Variants in SLC3A1 observed in about 807,000 individuals in gnomAD.
The protein encoded by SLC3A1 is amino acid transporter heavy chain SLC3A1.
In SLC3A1, 78 loss-of-function variants were observed where a neutral mutation model predicts 60.3. The ratio of observed to expected loss-of-function variants is 1.29; its 90% CI spans 1.08 to 1.56. The LOEUF (loss-of-function observed/expected upper bound fraction) is 1.56. SLC3A1 is among the 40% of genes most tolerant of loss of function. The probability of loss-of-function intolerance (pLI) is 0.00; values close to 1 mark genes in which losing one functional copy is unlikely to be tolerated. For missense variants in SLC3A1, 1,172 were observed against 858.9 expected, an observed-to-expected ratio of 1.36 and a Z score of -4.56; for synonymous variants, 392 against 307.9, an observed-to-expected ratio of 1.27 and a Z score of -2.86.
chr2:44,307,740 A>T (rs1672193718), intron 7 of SLC3A1, among the ~76,000 whole-genome samples: 1 of 152,028 alleles, frequency 6.6e-6, no homozygotes, highest in Non-Finnish European at 1.5e-5. Context: ...TATATACTGG[A>T]TAGGTGATTT....
At chr2:44,296,924 TGTAAG>T (rs1671864770) in intron 4 of SLC3A1, among the ~76,000 whole-genome samples, 1 of 152,212 alleles carries the variant, frequency 6.6e-6, no homozygotes, top group African/African-American at 2.4e-5. Context: ...CCTGCTGTCA[TGTAAG>T]ATGTGACTTT....
At chr2:44,312,278 T>C (rs900717958) in intron 7 of SLC3A1, among the ~76,000 whole-genome samples, 12 of 152,176 alleles carry the variant, frequency 7.9e-5, no homozygotes, top group African/African-American at 2.9e-4. Context: ...TGCCACAGTT[T>C]TGCTTCCTTT....
intron 6 of SLC3A1, 120 bp from the exon 7 acceptor site, chr2:44,304,023 A>C (rs1217291738): frequency 2.5e-6 from 2 of 805,816 alleles, no homozygotes; most frequent in South Asian, 2.7e-5. Context: ...TGCTAGTCCT[A>C]TATGGTTAAT....
intron 7 of SLC3A1, among the ~76,000 whole-genome samples, chr2:44,310,975 T>C (rs564953185): frequency 1.3e-5 from 2 of 152,262 alleles, no homozygotes; most frequent in Admixed American, 1.3e-4. Flanking sequence ...TTTAATTTTT[T>C]TGTAGACATG....
chr2:44,304,332 C>A lies in SLC3A1; in HGVS notation c.1326C>A (p.Asn442Lys). ...ACATGCCAGAAGGAAAATGGCCTAA[C>A]TGGATGGTAAGTCCTCATGACAGCA... ...MENMPEGKWP[N>K]WMIGGPDSSR... The change falls in exon 7 of 10, where the codon AAC (asparagine) becomes AAA (lysine). Residue 442 changes from asparagine to lysine, a missense_variant. By Grantham distance (94) the Asn-to-Lys change is moderately conservative. Transcript: ENST00000260649. The A allele has an allele frequency of 6.2e-7, 1 of 1,613,234 alleles. No homozygotes were observed. Among genetic ancestry groups the A allele is most frequent in the East Asian group, 2.2e-5 (1 of 44,884 alleles).
chr2:44,278,765 C>A (rs1483981297), intron 1 of SLC3A1, among the ~76,000 whole-genome samples: 1 of 152,018 alleles, frequency 6.6e-6, no homozygotes, highest in Non-Finnish European at 1.5e-5. Context: ...GTCTTCTCAG[C>A]CAAGCCTAGA....
intron 7 of SLC3A1, among the ~76,000 whole-genome samples, chr2:44,307,051 G>C (rs1350270129): frequency 6.6e-6 from 1 of 152,114 alleles, no homozygotes; most frequent in Admixed American, 6.5e-5. Flanking sequence ...TACTTTCCGT[G>C]TCTATGGATT....
At chr2:44,290,123 C>CTTTTT (rs34642873) in intron 4 of SLC3A1, among the ~76,000 whole-genome samples, 2 of 131,118 alleles carry the variant, frequency 1.5e-5, no homozygotes, top group South Asian at 2.4e-4. Context: ...AGCTGTCCGA[C>CTTTTT]TTTTTTTTTT....
chr2:44,318,994 G>C (rs943799975), intron 9 of SLC3A1: 5 of 152,200 alleles, frequency 3.3e-5, no homozygotes, highest in African/African-American at 1.2e-4. Context: ...GACAATAATA[G>C]CTAACACTTA....
chr2:44,286,416 C>T (rs1382821141), intron 4 of SLC3A1, among the ~76,000 whole-genome samples: 1 of 152,226 alleles, frequency 6.6e-6, no homozygotes, highest in African/African-American at 2.4e-5. Context: ...TCATCTAACT[C>T]AGAGTACCCT....
At chr2:44,312,311 A>C (rs933311266) in intron 7 of SLC3A1, among the ~76,000 whole-genome samples, 1 of 152,184 alleles carries the variant, frequency 6.6e-6, no homozygotes, top group African/African-American at 2.4e-5. Flanking sequence ...CTCTTATCCA[A>C]ATATGAGAAA....
intron 9 of SLC3A1, chr2:44,318,821 T>G (rs901536293): frequency 2.6e-5 from 4 of 152,174 alleles, no homozygotes; most frequent in East Asian, 1.9e-4. Flanking sequence ...AAGCATTATA[T>G]GAGACAAAGG....
intron 4 of SLC3A1, 30 bp from the exon 5 acceptor site, chr2:44,299,941 T>C: frequency 6.2e-7 from 1 of 1,612,996 alleles, no homozygotes. Context: ...GTAGTTAATG[T>C]AACCAAGCAT....
chr2:44,321,186 A>G lies in SLC3A1; in HGVS notation c.*547A>G, dbSNP rs943926821. 4 of 612,298 alleles carry G rather than the reference A, an allele frequency of 6.5e-6. No individual in the cohort carries two copies. The African/African-American group carries it at 7.5e-5, about 11-fold the overall frequency. 37.9% of individuals were successfully genotyped at this position (612,298 alleles called of 1,614,324 possible). A position where few individuals can be genotyped will look rare whatever the true frequency, so the allele number is the denominator to read the frequency against. ...GGGCATGTGCATCAATGGAGAGAATAGTATAAGCAAGTGAGATGTAGACTA... is the reference window on the plus strand; with the variant it reads ...GGGCATGTGCATCAATGGAGAGAATGGTATAAGCAAGTGAGATGTAGACTA... On this transcript the variant is annotated 3_prime_UTR_variant, in exon 10 of 10. Coordinates refer to ENST00000260649, the MANE Select transcript of SLC3A1 (RefSeq NM_000341.4).
At chr2:44,311,394 A>G (rs557115425) in intron 7 of SLC3A1, among the ~76,000 whole-genome samples, 4 of 152,214 alleles carry the variant, frequency 2.6e-5, no homozygotes, top group East Asian at 3.9e-4. Flanking sequence ...AATATTTGCT[A>G]TTGACTCCCC....
In SLC3A1 at chr2:44,275,806, T is replaced by G; in HGVS notation, c.271T>G (p.Trp91Gly). 2 of 1,614,276 alleles carry G rather than the reference T, an allele frequency of 1.2e-6. No individual in the cohort carries two copies. The highest frequency in any genetic ancestry group is 4.5e-5 in the East Asian group (2 of 44,886). Residue 91 changes from tryptophan to glycine, a missense_variant, in exon 1 of 10, where the codon TGG becomes GGG. By Grantham distance (184) the Trp-to-Gly change is radical. Coordinates refer to ENST00000260649, the MANE Select transcript of SLC3A1 (RefSeq NM_000341.4). ...CCGCATACCTCGGGAGATCCTCTTC[T>G]GGCTCACAGTGGCTTCTGTGCTGGT... ...RYRIPREILF[W>G]LTVASVLVLI...
At chr2:44,321,549 G>C, downstream of SLC3A1, 1 of 1,510,484 alleles carries the variant, frequency 6.6e-7, no homozygotes, top group Admixed American at 2.4e-5. Context: ...CGTGAAGTCA[G>C]CAATTTATGG....
rs190189461 is a variant in SLC3A1, at chr2:44,289,629, A to G, written c.891+3472A>G. Among the ~76,000 whole-genome samples, 963 of 144,484 alleles carry G rather than the reference A, an allele frequency of 6.7e-3. 14 individuals carry two copies. The highest frequency in any genetic ancestry group is 0.025 in the African/African-American group (898 of 35,466). The allele number at this position is 144,484 out of a possible 152,430, so 94.8% of individuals were successfully genotyped here. ...GCGTTTTTAATTTTGATGATGTCCTATTTATTTATTTGTTTTTTGAGACAG... is the reference window on the plus strand; with the variant it reads ...GCGTTTTTAATTTTGATGATGTCCTGTTTATTTATTTGTTTTTTGAGACAG... On this transcript the variant is annotated intron_variant, in intron 4 of 9. Coordinates refer to ENST00000260649, the MANE Select transcript of SLC3A1 (RefSeq NM_000341.4).
chr2:44,303,116 A>C (rs950998604), intron 6 of SLC3A1, among the ~76,000 whole-genome samples: 1 of 151,464 alleles, frequency 6.6e-6, no homozygotes, highest in Non-Finnish European at 1.5e-5. Context: ...CAGGAGAATC[A>C]CTTGCACCTG....
Sources: gnomAD v4.1 joint callset for allele counts (sites outside exome capture counted in the v4.1 genomes callset) on GRCh38, gnomAD v4.1.1 for gene constraint, MANE v1.5 for transcripts, NCBI Gene and HGNC (gene_info 2026-07-23, HGNC 2026-07-21) for gene names.